The following RIPOR2 variants were observed in gnomAD, a reference collection of about 807,000 sequenced individuals.
RIPOR2 encodes RHO family interacting cell polarization regulator 2.
Under a neutral mutation model 114.5 loss-of-function variants are expected in RIPOR2, and 39 were observed. The ratio of observed to expected loss-of-function variants is 0.34; its 90% CI spans 0.26 to 0.44. The LOEUF (loss-of-function observed/expected upper bound fraction) is 0.44, where lower values mean the gene tolerates loss of function less well. Ranked by LOEUF, RIPOR2 falls within the 20% of genes least tolerant of loss-of-function variation. The pLI is 1.00. For missense variants in RIPOR2, 1,007 were observed against 1,255.1 expected (o/e 0.80, Z 2.99); for synonymous variants, 445 against 484.4 (o/e 0.92, Z 1.07).
chr6:24,836,048 G>T, intron 14 of RIPOR2, 177 bp from the exon 15 acceptor site: 2 of 616,548 alleles, frequency 3.2e-6, no homozygotes, highest in Middle Eastern at 4.4e-4. Flanking sequence ...TCACCAAATT[G>T]CCTAGTGTTA....
At chr6:24,931,707 AC>A (rs1771404509) in intron 1 of RIPOR2, among the ~76,000 whole-genome samples, 2 of 152,350 alleles carry the variant, frequency 1.3e-5, no homozygotes, top group African/African-American at 2.4e-5. Context: ...AAATACAAGA[AC>A]CTGAGAAATA....
chr6:24,847,653 C>G, intron 12 of RIPOR2: 8 of 1,551,756 alleles, frequency 5.2e-6, no homozygotes, highest in Non-Finnish European at 7.0e-6. Flanking sequence ...TCAAGACAGA[C>G]AGCCGCCTGG....
intron 7 of RIPOR2, among the ~76,000 whole-genome samples, chr6:24,862,248 G>A (rs1030021684): frequency 1.3e-5 from 2 of 152,224 alleles, no homozygotes; most frequent in Non-Finnish European, 2.9e-5. Context: ...TGCTGCCTCT[G>A]CTATGCTAAG....
chr6:24,991,584 C>G (rs1411963081), intron 1 of RIPOR2, among the ~76,000 whole-genome samples: 1 of 152,138 alleles, frequency 6.6e-6, no homozygotes, highest in Non-Finnish European at 1.5e-5. Flanking sequence ...TCCATGAAAT[C>G]CCACCTATGG....
At chr6:24,990,661 T>C (rs1344583664) in intron 1 of RIPOR2, among the ~76,000 whole-genome samples, 2 of 152,234 alleles carry the variant, frequency 1.3e-5, no homozygotes, top group African/African-American at 2.4e-5. Flanking sequence ...GGGTGACTCA[T>C]AGCGTGCATT....
In RIPOR2 at chr6:24,847,987, G is replaced by A. The variant is rs192783719; in HGVS notation, c.1164+38C>T. 1,788 of 1,613,218 alleles carry A rather than the reference G, an allele frequency of 1.1e-3. 3 individuals carry two copies. Among genetic ancestry groups the A allele is most frequent in the Non-Finnish European group, 1.4e-3 (1,648 of 1,179,390 alleles). On this transcript the variant is annotated intron_variant, in intron 12 of 21. Coordinates refer to ENST00000643898, the MANE Select transcript of RIPOR2 (RefSeq NM_001286445.3). Reference sequence around the variant, plus strand: ...ATGCTGGGTGCAAGCACTGGCTCAGGTGCATTGATTCTACTCGGGAAATTA... The same window carrying A: ...ATGCTGGGTGCAAGCACTGGCTCAGATGCATTGATTCTACTCGGGAAATTA...
chr6:24,952,455 G>A (rs1425500325), intron 1 of RIPOR2, among the ~76,000 whole-genome samples: 2 of 152,148 alleles, frequency 1.3e-5, no homozygotes, highest in African/African-American at 4.8e-5. Context: ...GATTTTCATA[G>A]TGCTAATACT....
chr6:24,892,154 T>G (rs963408584), intron 1 of RIPOR2, among the ~76,000 whole-genome samples: 2 of 152,180 alleles, frequency 1.3e-5, no homozygotes, highest in Non-Finnish European at 2.9e-5. Context: ...CCACATCCAT[T>G]CTTACAGAGC....
chr6:24,849,364 G>A (rs1177658768), intron 11 of RIPOR2, among the ~76,000 whole-genome samples: 1 of 152,216 alleles, frequency 6.6e-6, no homozygotes, highest in African/African-American at 2.4e-5. Context: ...TAATTTTCCA[G>A]AGCAGTGTGA....
chr6:24,961,416 G>C (rs748516237), intron 1 of RIPOR2, among the ~76,000 whole-genome samples: 1 of 152,122 alleles, frequency 6.6e-6, no homozygotes, highest in African/African-American at 2.4e-5. Context: ...AAAGCCAGGG[G>C]TTGATGCATA....
At chr6:24,979,473 G>A (rs770646421) in intron 1 of RIPOR2, among the ~76,000 whole-genome samples, 1 of 151,992 alleles carries the variant, frequency 6.6e-6, no homozygotes, top group South Asian at 2.1e-4. Flanking sequence ...ATTTTGAAAA[G>A]GTCCTGATAG....
chr6:24,839,340 T>C, intron 13 of RIPOR2, 68 bp from the exon 14 acceptor site: 2 of 1,470,922 alleles, frequency 1.4e-6, no homozygotes, highest in Non-Finnish European at 1.8e-6. Context: ...CACACGATGC[T>C]CAATTGGAGA....
At chr6:24,911,605 GA>G (rs1374184122) in intron 1 of RIPOR2, among the ~76,000 whole-genome samples, 2 of 152,176 alleles carry the variant, frequency 1.3e-5, no homozygotes, top group Non-Finnish European at 2.9e-5. Context: ...CTCTCATAAA[GA>G]TGGCAGAAAG....
intron 15 of RIPOR2, among the ~76,000 whole-genome samples, chr6:24,834,955 T>C (rs1428298834): frequency 6.6e-6 from 1 of 152,152 alleles, no homozygotes; most frequent in East Asian, 1.9e-4. Flanking sequence ...TGCATTCTCT[T>C]CCTGTTCCAC....
At chr6:24,818,821 T>C (rs1759413657) in intron 19 of RIPOR2, among the ~76,000 whole-genome samples, 196 bp from the exon 20 acceptor site, 1 of 151,630 alleles carries the variant, frequency 6.6e-6, no homozygotes, top group Non-Finnish European at 1.5e-5. Context: ...TGATCCCTTA[T>C]GTTCTCCTAG....
At chr6:25,024,490 C>A in intron 1 of RIPOR2, 1 of 824,634 alleles carries the variant, frequency 1.2e-6, no homozygotes, top group South Asian at 1.4e-5. Flanking sequence ...GACATAGTGT[C>A]TGGGATTGGA....
At chr6:24,840,710 A>G in intron 13 of RIPOR2, 1 of 1,535,298 alleles carries the variant, frequency 6.5e-7, no homozygotes, top group Non-Finnish European at 8.7e-7. Flanking sequence ...TGTCTCATTC[A>G]CCCTCAGTGA....
chr6:25,041,704 C>A, intron 1 of RIPOR2: 1 of 588,140 alleles, frequency 1.7e-6, no homozygotes, highest in Non-Finnish European at 3.0e-6. Flanking sequence ...ATACCAAAGT[C>A]CATTGGAAAA....
intron 1 of RIPOR2, among the ~76,000 whole-genome samples, chr6:24,985,690 C>T (rs1774499449): frequency 1.3e-5 from 2 of 152,056 alleles, no homozygotes; most frequent in African/African-American, 4.8e-5. Context: ...CCCCCTAGAC[C>T]CCTGGTTGAT....
Sources: allele counts gnomAD v4.1 joint callset (sites outside exome capture counted in the v4.1 genomes callset), GRCh38; gene constraint gnomAD v4.1.1; transcripts MANE v1.5; gene names NCBI Gene and HGNC (gene_info 2026-07-23, HGNC 2026-07-21).